ADGRL3: variants seen among roughly 807,000 people sequenced by gnomAD.
The protein encoded by ADGRL3 is calcium-independent alpha-latrotoxin receptor 3.
Under a neutral mutation model 153.5 loss-of-function variants are expected in ADGRL3, and 62 were observed. That is an observed-to-expected ratio of 0.40 (90% CI 0.33 to 0.50). The LOEUF is 0.50. Among genes scored for constraint, ADGRL3 ranks in the 20% least tolerant of loss-of-function variants. The probability of loss-of-function intolerance (pLI) is 0.47; values close to 1 mark genes in which losing one functional copy is unlikely to be tolerated. For synonymous variants in ADGRL3, 710 were observed against 672.5 expected, an observed-to-expected ratio of 1.06 and a Z score of -0.86; for missense variants, 1,641 against 1,859.4, an observed-to-expected ratio of 0.88 and a Z score of 2.16.
intron 8 of ADGRL3, among the ~76,000 whole-genome samples, chr4:61,763,376 G>A (rs577517723): frequency 4.6e-5 from 7 of 151,346 alleles, no homozygotes; most frequent in Middle Eastern, 3.4e-3. Flanking sequence ...TAGTAGAGAC[G>A]GGGTTTCACT....
chr4:61,224,556 A>G (rs1311590657), intron 1 of ADGRL3, among the ~76,000 whole-genome samples: 2 of 152,208 alleles, frequency 1.3e-5, no homozygotes, highest in Admixed American at 1.3e-4. Flanking sequence ...GGCCAGAAAA[A>G]GAAGTGTGTG....
chr4:61,590,890 C>G (rs2098966410), intron 5 of ADGRL3, among the ~76,000 whole-genome samples: 1 of 152,116 alleles, frequency 6.6e-6, no homozygotes, highest in East Asian at 1.9e-4. Flanking sequence ...TTCTAGTAAT[C>G]TTTTGCTCAT....
intron 4 of ADGRL3, among the ~76,000 whole-genome samples, chr4:61,559,190 T>A (rs1025305508): frequency 1.3e-5 from 2 of 152,044 alleles, no homozygotes; most frequent in African/African-American, 4.8e-5. Context: ...CTGGCAATGG[T>A]AGCAGCTTAA....
At chr4:61,608,712 G>A (rs952285261) in intron 5 of ADGRL3, among the ~76,000 whole-genome samples, 1 of 151,970 alleles carries the variant, frequency 6.6e-6, no homozygotes, top group Non-Finnish European at 1.5e-5. Flanking sequence ...GACACTATAA[G>A]GTCATAGACA....
rs549300855 is a variant in ADGRL3, at chr4:61,792,470, T to A, written c.1400-21339T>A. On this transcript the variant is annotated intron_variant, in intron 8 of 26. Coordinates refer to ENST00000683033, the MANE Select transcript of ADGRL3 (RefSeq NM_001387552.1). ...AGGAAGTTCCAAACTTTTCCTTTAT[T>A]TATTTATTTATTTATTTATTTTATT... is the stretch of plus-strand genomic sequence containing the variant. Among the ~76,000 whole-genome samples the A allele has an allele frequency of 9.1e-5, 13 of 143,518 alleles. No individual in the cohort carries two copies. In the East Asian group the frequency reaches 2.3e-3, roughly 26 times the overall value. 94.2% of individuals were successfully genotyped at this position (143,518 alleles called of 152,430 possible). A position where few individuals can be genotyped will look rare whatever the true frequency, so the allele number is the denominator to read the frequency against.
intron 5 of ADGRL3, among the ~76,000 whole-genome samples, chr4:61,622,444 C>G (rs182223548): frequency 6.6e-6 from 1 of 152,042 alleles, no homozygotes; most frequent in Non-Finnish European, 1.5e-5. Context: ...ATCATTGCCT[C>G]CCATTTTTCC....
chr4:61,507,124 C>T (rs1370022241), intron 3 of ADGRL3, among the ~76,000 whole-genome samples: 1 of 152,096 alleles, frequency 6.6e-6, no homozygotes, highest in Non-Finnish European at 1.5e-5. Flanking sequence ...TAGCAATGAT[C>T]ATTTTTCTTC....
At chr4:61,477,556 C>T (rs2098080652) in intron 2 of ADGRL3, among the ~76,000 whole-genome samples, 1 of 152,148 alleles carries the variant, frequency 6.6e-6, no homozygotes, top group Admixed American at 6.5e-5. Context: ...GAAGTTGCTT[C>T]CCAATTTCAT....
At chr4:61,953,757 C>T (rs1402534760) in intron 17 of ADGRL3, among the ~76,000 whole-genome samples, 2 of 152,132 alleles carry the variant, frequency 1.3e-5, no homozygotes, top group East Asian at 3.9e-4. Context: ...ACCCAGGAGT[C>T]CTCAGAGAGG....
intron 6 of ADGRL3, among the ~76,000 whole-genome samples, chr4:61,682,844 C>T (rs2095366130): frequency 6.6e-6 from 1 of 152,040 alleles, no homozygotes; most frequent in African/African-American, 2.4e-5. Context: ...CTTTCATTCA[C>T]CATCTATTGA....
intron 11 of ADGRL3, among the ~76,000 whole-genome samples, chr4:61,900,132 C>T (rs984004175): frequency 6.6e-6 from 1 of 152,092 alleles, no homozygotes; most frequent in Non-Finnish European, 1.5e-5. Flanking sequence ...GTTTCCCCAT[C>T]TGTAAAATGG....
chr4:61,955,487 A>G (rs1332763664), intron 17 of ADGRL3, among the ~76,000 whole-genome samples: 1 of 152,202 alleles, frequency 6.6e-6, no homozygotes, highest in Non-Finnish European at 1.5e-5. Flanking sequence ...TGACAGTTAA[A>G]CACAAAAACT....
In ADGRL3 at chr4:61,903,188, A is replaced by G. The variant is rs370345934; in HGVS notation, c.1888-6372A>G. 9.9e-5 allele frequency among the ~76,000 whole-genome samples: 15 copies of G among 152,252 alleles called. No individual in the cohort carries two copies. In the South Asian group the frequency reaches 2.1e-3, roughly 21 times the overall value. ...ATGTTTATTCTAGACCTTACTTTTTATGTATCATATTCTTGGCTTATTCTT... is the reference window on the plus strand; with the variant it reads ...ATGTTTATTCTAGACCTTACTTTTTGTGTATCATATTCTTGGCTTATTCTT... On this transcript the variant is annotated intron_variant, in intron 11 of 26. Transcript: ENST00000683033.
intron 6 of ADGRL3, among the ~76,000 whole-genome samples, chr4:61,683,931 G>A (rs1580266016): frequency 6.6e-6 from 1 of 152,284 alleles, no homozygotes; most frequent in East Asian, 1.9e-4. Flanking sequence ...TGCCCTGCTA[G>A]AGCTGAGTCT....
At chr4:61,739,418 C>T (rs940495168) in intron 8 of ADGRL3, among the ~76,000 whole-genome samples, 7 of 151,924 alleles carry the variant, frequency 4.6e-5, no homozygotes, top group African/African-American at 1.7e-4. Flanking sequence ...AAACGATTCT[C>T]GAGCCTCAGC....
chr4:61,920,425 G>A (rs1286635890), intron 13 of ADGRL3, among the ~76,000 whole-genome samples: 1 of 152,176 alleles, frequency 6.6e-6, no homozygotes, highest in Non-Finnish European at 1.5e-5. Flanking sequence ...TTGTCTGAGA[G>A]CGTGGATCCA....
chr4:61,369,062 T>A (rs2096466569), intron 1 of ADGRL3, among the ~76,000 whole-genome samples: 1 of 152,202 alleles, frequency 6.6e-6, no homozygotes, highest in African/African-American at 2.4e-5. Flanking sequence ...ATGCTTGTGA[T>A]TTGTGCACAT....
At chr4:61,860,402 G>A (rs1222848615) in intron 9 of ADGRL3, among the ~76,000 whole-genome samples, 1 of 151,996 alleles carries the variant, frequency 6.6e-6, no homozygotes, top group Admixed American at 6.5e-5. Flanking sequence ...TATCAGAGTT[G>A]GAAAGAAATG....
intron 23 of ADGRL3, among the ~76,000 whole-genome samples, chr4:62,035,113 T>A (rs60389404): frequency 1.7e-3 from 257 of 152,110 alleles, no homozygotes; most frequent in African/African-American, 6.0e-3. Context: ...ATGTTATTTT[T>A]TTTCTTCTTT....
Sources: allele counts gnomAD v4.1 joint callset (sites outside exome capture counted in the v4.1 genomes callset), GRCh38; gene constraint gnomAD v4.1.1; transcripts MANE v1.5; gene names NCBI Gene and HGNC (gene_info 2026-07-23, HGNC 2026-07-21).